Variants in NTN1 observed in about 807,000 individuals in gnomAD.
The protein encoded by NTN1 is netrin-1.
NTN1 carries 11 observed loss-of-function variants against 54.2 expected under a neutral mutation model. That is an observed-to-expected ratio of 0.20 (90% confidence interval 0.13 to 0.34). NTN1 has a LOEUF of 0.34. NTN1 is among the 10% of genes least tolerant of loss of function. The pLI is 1.00. For synonymous variants in NTN1, 371 were observed against 382.0 expected (o/e 0.97, Z 0.33); for missense variants, 740 against 893.1 (o/e 0.83, Z 2.18).
chr17:9,225,252 C>T (rs1476876143), intron 6 of NTN1, among the ~76,000 whole-genome samples: 1 of 139,500 alleles, frequency 7.2e-6, no homozygotes, highest in Non-Finnish European at 1.6e-5. Context: ...GAGACTCTGT[C>T]TCAAAAAAAA....
At chr17:9,041,135 A>G (rs2091920035) in intron 2 of NTN1, among the ~76,000 whole-genome samples, 1 of 152,224 alleles carries the variant, frequency 6.6e-6, no homozygotes, top group Non-Finnish European at 1.5e-5. Context: ...TTTAGATATT[A>G]ATCAAAATGA....
At chr17:9,035,396 G>A (rs1004869861) in intron 2 of NTN1, among the ~76,000 whole-genome samples, 45 of 152,154 alleles carry the variant, frequency 3.0e-4, no homozygotes, top group African/African-American at 1.0e-3. Flanking sequence ...GTATCACAGG[G>A]TATTTCTCCA....
chr17:9,210,336 G>A (rs1357048276), intron 5 of NTN1, among the ~76,000 whole-genome samples: 2 of 151,952 alleles, frequency 1.3e-5, no homozygotes, highest in Non-Finnish European at 2.9e-5. Flanking sequence ...CTATGGCACT[G>A]TCCTCACTCC....
intron 2 of NTN1, among the ~76,000 whole-genome samples, chr17:9,110,825 G>T (rs543946320): frequency 5.9e-5 from 9 of 151,956 alleles, no homozygotes; most frequent in African/African-American, 1.9e-4. Flanking sequence ...GCATCATTCC[G>T]GCCTCTGCCT....
chr17:9,142,126 C>CA (rs747027136), intron 2 of NTN1, among the ~76,000 whole-genome samples: 1 of 151,612 alleles, frequency 6.6e-6, no homozygotes, highest in Non-Finnish European at 1.5e-5. Context: ...GACTCCATCT[C>CA]AAAAAAAGTA....
chr17:9,128,639 T>G (rs749345765), intron 2 of NTN1, among the ~76,000 whole-genome samples: 14 of 152,170 alleles, frequency 9.2e-5, no homozygotes, highest in Admixed American at 2.0e-4. Flanking sequence ...TTCCTTGGAT[T>G]CAAACTGTGA....
intron 4 of NTN1, 121 bp from the exon 5 acceptor site, chr17:9,182,795 G>C (rs915009709): frequency 1.1e-5 from 11 of 985,362 alleles, no homozygotes; most frequent in Non-Finnish European, 1.8e-5. Flanking sequence ...AGTGGGAAAC[G>C]GAGGGGAGGG....
chr17:9,204,034 A>G (rs1017398102), intron 5 of NTN1, among the ~76,000 whole-genome samples: 12 of 152,050 alleles, frequency 7.9e-5, no homozygotes, highest in African/African-American at 2.9e-4. Flanking sequence ...AGATAAGGCC[A>G]TCTGTGGGGT....
chr17:9,026,606 G>A (rs573043025), intron 2 of NTN1, among the ~76,000 whole-genome samples: 1 of 152,254 alleles, frequency 6.6e-6, no homozygotes, highest in African/African-American at 2.4e-5. Context: ...AAGGCAAAAT[G>A]CATGAACAGT....
intron 5 of NTN1, among the ~76,000 whole-genome samples, chr17:9,194,633 C>T (rs537715732): frequency 1.3e-5 from 2 of 152,248 alleles, no homozygotes; most frequent in Admixed American, 1.3e-4. Flanking sequence ...CAGCACCTAC[C>T]CTCTGGCCAG....
Position 9,023,241 on chromosome 17 carries a change from C to A in NTN1, c.868C>A (p.His290Asn). ...QVGGRCKCNG[H>N]AARCVRDRDD... ...GGGCGGCCGGTGCAAGTGCAACGGC[C>A]ACGCGGCCCGCTGCGTGCGCGACCG... Residue 290 changes from histidine (H) to asparagine (N), a missense_variant, in exon 2 of 7, where the codon CAC (histidine) becomes AAC (asparagine). Physicochemically the swap from His to Asn is moderately conservative, Grantham distance 68 (BLOSUM62 1). Coordinates refer to ENST00000173229, the MANE Select transcript of NTN1 (RefSeq NM_004822.3). 3 of 1,567,246 alleles carry A rather than the reference C, an allele frequency of 1.9e-6. No individual in the cohort carries two copies. Among genetic ancestry groups the A allele is most frequent in the East Asian group, 4.7e-5 (2 of 42,180 alleles).
At chr17:9,052,375 G>A (rs1430317408) in intron 2 of NTN1, among the ~76,000 whole-genome samples, 3 of 152,196 alleles carry the variant, frequency 2.0e-5, no homozygotes, top group African/African-American at 4.8e-5. Flanking sequence ...GACCCCGGCA[G>A]GTCCACCTCT....
chr17:9,042,773 C>T (rs1253301303), intron 2 of NTN1, among the ~76,000 whole-genome samples: 6 of 149,554 alleles, frequency 4.0e-5, no homozygotes, highest in African/African-American at 4.9e-5. Flanking sequence ...GGCGATAGTG[C>T]GAGACTCCAT....
At position 9,243,702 on chromosome 17, in the gene NTN1, TCCCTCTG is replaced by T. The variant is rs1234945226; in HGVS notation, c.*3738_*3744del. On this transcript the variant is annotated 3_prime_UTR_variant, in exon 7 of 7. Coordinates refer to ENST00000173229, the MANE Select transcript of NTN1 (RefSeq NM_004822.3). Reference sequence around the variant, plus strand: ...CTCCTCCCAAATGCACTTCCCCTCCTCCCTCTGCCCCCTCCTGTGTTTTGGATTTCTG... The same window carrying T: ...CTCCTCCCAAATGCACTTCCCCTCCTCCCCCTCCTGTGTTTTGGATTTCTG... 1 of 152,234 alleles carries T rather than the reference TCCCTCTG, an allele frequency of 6.6e-6. No individual in the cohort carries two copies. Among genetic ancestry groups the T allele is most frequent in the Non-Finnish European group, 1.5e-5 (1 of 68,050 alleles). 9.4% of individuals were successfully genotyped at this position (152,234 alleles called of 1,614,324 possible).
At position 9,221,262 on chromosome 17, in the gene NTN1, T is replaced by G. The variant is rs780577295; in HGVS notation, c.1486+20T>G. 1.9e-6 allele frequency: 3 copies of G among 1,596,108 alleles called. No individual in the cohort carries two copies. In the Admixed American group the frequency reaches 5.0e-5, roughly 27 times the overall value. ...ACTATGGTGAGTGAGAGTCCCCTTG[T>G]CTGGGGAGGATGGGAGGGGGCCACG... is the stretch of plus-strand genomic sequence containing the variant. On this transcript the variant is annotated intron_variant, in intron 6 of 6. Coordinates refer to ENST00000173229, the MANE Select transcript of NTN1 (RefSeq NM_004822.3). The surrounding 1 kb of genome is among the most constrained non-coding windows in gnomAD (Gnocchi z 4.5).
At chr17:9,228,997 TCTGTGA>T (rs1216997016) in intron 6 of NTN1, among the ~76,000 whole-genome samples, 3 of 146,882 alleles carry the variant, frequency 2.0e-5, no homozygotes, top group Non-Finnish European at 4.5e-5. Context: ...TGTGACTGAT[TCTGTGA>T]CTGTAAGTGT....
intron 2 of NTN1, among the ~76,000 whole-genome samples, chr17:9,143,530 T>C (rs999167657): frequency 2.0e-5 from 3 of 152,190 alleles, no homozygotes; most frequent in African/African-American, 7.2e-5. Flanking sequence ...ATGGTCAAAC[T>C]GTGGCTCTCT....
rs1905332681 is a variant in NTN1, at chr17:9,221,111, C to T, written c.1412-57C>T. Reference sequence around the variant, plus strand: ...GCGGCCTCCTACTCTGCCCGCCAGCCTATTCATCGCCAGCCTAATTAGTTT... The same window carrying T: ...GCGGCCTCCTACTCTGCCCGCCAGCTTATTCATCGCCAGCCTAATTAGTTT... On this transcript the variant is annotated intron_variant, in intron 5 of 6. Coordinates refer to ENST00000173229, the MANE Select transcript of NTN1 (RefSeq NM_004822.3). The surrounding 1 kb of genome is among the most constrained non-coding windows in gnomAD (Gnocchi z 4.5). The T allele has an allele frequency of 8.1e-7, 1 of 1,239,234 alleles. No homozygotes were observed. Among genetic ancestry groups the T allele is most frequent in the Non-Finnish European group, 1.2e-6 (1 of 838,956 alleles). The allele number at this position is 1,239,234 out of a possible 1,614,324, so 76.8% of individuals were successfully genotyped here. A position where few individuals can be genotyped will look rare whatever the true frequency, so the allele number is the denominator to read the frequency against.
intron 2 of NTN1, among the ~76,000 whole-genome samples, chr17:9,026,376 G>A (rs11656074): frequency 0.34 from 48,004 of 142,678 alleles, 8,159 homozygotes; most frequent in African/African-American, 0.41. Flanking sequence ...TTTAAATGCA[G>A]TTTTGGATTT....
Sources: gnomAD v4.1 joint callset for allele counts (sites outside exome capture counted in the v4.1 genomes callset) on GRCh38, gnomAD v4.1.1 for gene constraint, Gnocchi (gnomAD v3.1) non-coding constraint, MANE v1.5 for transcripts, NCBI Gene and HGNC (gene_info 2026-07-23, HGNC 2026-07-21) for gene names.